ANKRD36: variants seen among roughly 807,000 people sequenced by gnomAD.
ANKRD36 encodes ankyrin repeat domain-containing protein 36A.
In ANKRD36, 179 loss-of-function variants were observed where a neutral mutation model predicts 278.1. The ratio of observed to expected loss-of-function variants is 0.64; its 90% CI spans 0.57 to 0.73. The LOEUF (loss-of-function observed/expected upper bound fraction) is 0.73, where lower values mean the gene tolerates loss of function less well. Among genes scored for constraint, ANKRD36 ranks in the 30% least tolerant of loss-of-function variants. The pLI is 0.00. For missense variants in ANKRD36, 1,159 were observed against 1,956.7 expected (o/e 0.59, Z 7.69); for synonymous variants, 320 against 641.1 (o/e 0.50, Z 7.57).
chr2:97,212,993 A>T, intron 58 of ANKRD36: 1 of 355,626 alleles, frequency 2.8e-6, no homozygotes, highest in South Asian at 3.0e-5. Flanking sequence ...CAAGTTAAAG[A>T]GCATGATGAA....
At chr2:97,128,276 T>C (rs1201995898) in intron 6 of ANKRD36, among the ~76,000 whole-genome samples, 1 of 151,662 alleles carries the variant, frequency 6.6e-6, no homozygotes, top group Non-Finnish European at 1.5e-5. Flanking sequence ...AGCTATCCTG[T>C]GACAAAACCC....
intron 40 of ANKRD36, among the ~76,000 whole-genome samples, chr2:97,196,323 G>GTCC (rs74801540): frequency 6.6e-6 from 1 of 151,776 alleles, no homozygotes. Flanking sequence ...CTCGGCCTAA[G>GTCC]ACATTGATAT....
At chr2:97,131,000 TTA>T (rs1418951651) in intron 6 of ANKRD36, among the ~76,000 whole-genome samples, 1 of 152,056 alleles carries the variant, frequency 6.6e-6, no homozygotes, top group East Asian at 1.9e-4. Flanking sequence ...TTTTCAAACT[TTA>T]TATGTCTTTT....
intron 22 of ANKRD36, among the ~76,000 whole-genome samples, chr2:97,175,304 T>G (rs1423978093): frequency 6.7e-6 from 1 of 149,566 alleles, no homozygotes; most frequent in African/African-American, 2.4e-5. Context: ...CAATTTCAGA[T>G]CCTGTTATTG....
chr2:97,136,848 C>T (rs2153438843), intron 6 of ANKRD36, among the ~76,000 whole-genome samples: 1 of 152,176 alleles, frequency 6.6e-6, no homozygotes, highest in South Asian at 2.1e-4. Context: ...ATGCCATTTT[C>T]TGTCAGTGTG....
intron 6 of ANKRD36, among the ~76,000 whole-genome samples, chr2:97,131,140 A>G (rs2040034210): frequency 6.6e-6 from 1 of 152,012 alleles, no homozygotes; most frequent in African/African-American, 2.4e-5. Context: ...CTTAGCTGGA[A>G]TATTTGGTCA....
chr2:97,187,487 T>TGG, intron 32 of ANKRD36, 86 bp downstream of exon 32: 14 of 50,038 alleles, frequency 2.8e-4, no homozygotes, highest in Non-Finnish European at 3.9e-4. Flanking sequence ...GGAGGGCGGG[T>TGG]GGGGGGGCTC....
At chr2:97,157,439 T>C (rs1049215376) in intron 15 of ANKRD36, among the ~76,000 whole-genome samples, 8 of 142,026 alleles carry the variant, frequency 5.6e-5, no homozygotes, top group South Asian at 2.2e-4. Flanking sequence ...GCAGACCGCA[T>C]GTCTTTAGTG....
intron 64 of ANKRD36, among the ~76,000 whole-genome samples, chr2:97,217,818 A>G (rs2066365873): frequency 6.6e-6 from 1 of 151,634 alleles, no homozygotes; most frequent in Non-Finnish European, 1.5e-5. Context: ...CCACTGATGT[A>G]GTAATTATTT....
rs764649821 is a variant in ANKRD36 at position 97,192,900 on chromosome 2, C to T, written c.2376+14C>T. 2 of 1,603,818 alleles carry T rather than the reference C, an allele frequency of 1.2e-6. No homozygotes were observed. Among genetic ancestry groups the T allele is most frequent in the South Asian group, 1.1e-5 (1 of 90,592 alleles). On this transcript the variant is annotated intron_variant, in intron 37 of 75. Coordinates refer to ENST00000420699, the MANE Select transcript of ANKRD36 (RefSeq NM_001354587.1). ...CCAGCCTTGACGGTAATGAAACACT[C>T]ATTTATATTGTGAATGAGTTAAGGT... is the stretch of plus-strand genomic sequence containing the variant.
intron 54 of ANKRD36, among the ~76,000 whole-genome samples, chr2:97,208,537 G>C (rs1331436500): frequency 1.4e-5 from 2 of 146,120 alleles, no homozygotes; most frequent in South Asian, 4.2e-4. Context: ...AAACCTGAGT[G>C]AACTCACTTC....
intron 22 of ANKRD36, among the ~76,000 whole-genome samples, chr2:97,171,917 GGGA>G: frequency 6.6e-6 from 1 of 152,120 alleles, no homozygotes; most frequent in South Asian, 2.1e-4. Flanking sequence ...ATTGACAAAT[GGGA>G]TCTAATTAAA....
At chr2:97,177,733 A>C (rs1327767448) in intron 22 of ANKRD36, among the ~76,000 whole-genome samples, 4 of 151,790 alleles carry the variant, frequency 2.6e-5, no homozygotes, top group Non-Finnish European at 5.9e-5. Flanking sequence ...CCTAGAAGAA[A>C]ACCTAGCCAT....
In ANKRD36 at chr2:97,155,725, G is replaced by A. The variant is rs1157946214; in HGVS notation, c.1260+984G>A. ...TCATTCTAAATTTCAAATTTCAGAG[G>A]CTTTTGTGCTTAGTTATTGAAAAAA... On this transcript the variant is annotated intron_variant, in intron 15 of 75. Coordinates refer to ENST00000420699, the MANE Select transcript of ANKRD36 (RefSeq NM_001354587.1). 4.8e-5 allele frequency among the ~76,000 whole-genome samples: 7 copies of A among 145,970 alleles called. 2 individuals are homozygous for A. Among genetic ancestry groups the A allele is most frequent in the Non-Finnish European group, 9.3e-5 (6 of 64,714 alleles).
At chr2:97,180,999 A>G (rs1343297898) in intron 24 of ANKRD36, among the ~76,000 whole-genome samples, 1 of 151,760 alleles carries the variant, frequency 6.6e-6, no homozygotes. Context: ...AGTGGATACA[A>G]GAATCTTAGG....
chr2:97,209,131 T>C (rs1488268936), intron 54 of ANKRD36, among the ~76,000 whole-genome samples: 6 of 146,664 alleles, frequency 4.1e-5, no homozygotes, highest in African/African-American at 1.6e-4. Context: ...ATCTACTAGG[T>C]ATCAGCAAAC....
At chr2:97,216,348 T>C (rs1196038804) in intron 62 of ANKRD36, among the ~76,000 whole-genome samples, 3 of 151,914 alleles carry the variant, frequency 2.0e-5, no homozygotes, top group Non-Finnish European at 4.4e-5. Flanking sequence ...ACAAAAAGTA[T>C]GTGGAATTCT....
intron 62 of ANKRD36, chr2:97,215,927 G>A: frequency 2.6e-6 from 1 of 382,820 alleles, no homozygotes; most frequent in Non-Finnish European, 4.5e-6. Flanking sequence ...CAAGATCACT[G>A]AAGTAGTAAT....
In ANKRD36 at chr2:97,245,347, CA is replaced by C; in HGVS notation, c.4683del (p.Leu1562Ter). 1 of 1,549,746 alleles carries C rather than the reference CA, an allele frequency of 6.5e-7. No homozygotes were observed. Among genetic ancestry groups the C allele is most frequent in the Non-Finnish European group, 8.7e-7 (1 of 1,149,712 alleles). On this transcript the variant is annotated frameshift_variant, in exon 71 of 76. Transcript: ENST00000420699. LOFTEE classifies it high-confidence loss of function. ...AAGGCTCTAAAACGGAATGGGGAAACATTAGCAAAAACGATAGCCTGTTATA... is the reference window on the plus strand; with the variant it reads ...AAGGCTCTAAAACGGAATGGGGAAACTTAGCAAAAACGATAGCCTGTTATA... ...LQKALKRNGE[T>X]LAKTIACYSG...
Sources: gnomAD v4.1 joint callset for allele counts (sites outside exome capture counted in the v4.1 genomes callset) on GRCh38, gnomAD v4.1.1 for gene constraint, MANE v1.5 for transcripts, NCBI Gene and HGNC (gene_info 2026-07-23, HGNC 2026-07-21) for gene names.